SCAP: variants seen among roughly 807,000 people sequenced by gnomAD.
The protein encoded by SCAP is SREBF chaperone.
Under a neutral mutation model 123.6 loss-of-function variants are expected in SCAP, and 65 were observed. The observed-to-expected ratio is 0.53, with a 90% CI of 0.43 to 0.65. SCAP has a LOEUF of 0.65. SCAP is among the 30% of genes least tolerant of loss of function. The probability of loss-of-function intolerance (pLI) is 0.00; values close to 1 mark genes in which losing one functional copy is unlikely to be tolerated. For missense variants in SCAP, 1,398 were observed against 1,712.5 expected (o/e 0.82, Z 3.24); for synonymous variants, 740 against 726.3 (o/e 1.02, Z -0.30).
chr3:47,469,205 G>A (rs975265360), intron 1 of SCAP, among the ~76,000 whole-genome samples: 8 of 152,082 alleles, frequency 5.3e-5, no homozygotes, highest in Non-Finnish European at 7.4e-5. Context: ...AAAATTAGCC[G>A]GGTGTGGTGG....
chr3:47,460,561 T>C (rs912154100), intron 1 of SCAP, among the ~76,000 whole-genome samples: 1 of 152,144 alleles, frequency 6.6e-6, no homozygotes, highest in Non-Finnish European at 1.5e-5. Context: ...TTTGTTGTTG[T>C]TGTCTTTTTG....
At chr3:47,422,357 G>T in intron 10 of SCAP, 85 bp downstream of exon 10, 1 of 1,218,534 alleles carries the variant, frequency 8.2e-7, no homozygotes, top group South Asian at 1.4e-5. Context: ...TGCTGAAGAG[G>T]GGAGCACCCT....
At chr3:47,476,920 G>A (rs149921326), upstream of SCAP, 268 of 153,898 alleles carry the variant, frequency 1.7e-3, 1 homozygote, top group Non-Finnish European at 2.4e-3. Flanking sequence ...CGAGACACCC[G>A]CACCCACCCC....
intron 1 of SCAP, among the ~76,000 whole-genome samples, chr3:47,466,064 T>C (rs1447365485): frequency 7.1e-6 from 1 of 141,298 alleles, no homozygotes; most frequent in Admixed American, 7.6e-5. Flanking sequence ...ACCCAGGAGG[T>C]GGAGTTTGCA....
chr3:47,418,093 G>A, intron 16 of SCAP, 41 bp downstream of exon 16: 1 of 1,462,270 alleles, frequency 6.8e-7, no homozygotes. Context: ...GGGTGAGGGG[G>A]GTTGTGGGGG....
chr3:47,418,324 G>A lies in SCAP; in HGVS notation c.2328C>T (p.Leu776=). The A allele has an allele frequency of 1.3e-6, 2 of 1,561,072 alleles. No individual in the cohort carries two copies. The highest frequency in any genetic ancestry group is 1.7e-6 in the Non-Finnish European group (2 of 1,153,338). Reference sequence around the variant, plus strand: ...CGGCCACTGTGCCCCTGCTCACCATGAGGTGGCCGCGCAGCACAAGCGGCA... The same window carrying A: ...CGGCCACTGTGCCCCTGCTCACCATAAGGTGGCCGCGCAGCACAAGCGGCA... ...EIVPLVLRGH[L]MDIECLASDG... is the part of the protein sequence containing the mutation. Residue 776 remains leucine (L), a synonymous_variant, in exon 15 of 23, where the codon CTC becomes CTT. Coordinates refer to ENST00000265565, the MANE Select transcript of SCAP (RefSeq NM_012235.4).
intron 1 of SCAP, among the ~76,000 whole-genome samples, chr3:47,448,195 T>C (rs1180222142): frequency 1.3e-5 from 2 of 152,200 alleles, no homozygotes; most frequent in East Asian, 1.9e-4. Context: ...TACATGACTG[T>C]ACATGTTTTG....
At chr3:47,457,002 A>G (rs2107978085) in intron 1 of SCAP, among the ~76,000 whole-genome samples, 1 of 152,314 alleles carries the variant, frequency 6.6e-6, no homozygotes. Context: ...CCTGGCCAAC[A>G]TGGTGAAACC....
chr3:47,427,797 A>G, intron 4 of SCAP, 130 bp from the exon 5 acceptor site: 1 of 756,674 alleles, frequency 1.3e-6, no homozygotes, highest in Non-Finnish European at 2.1e-6. Context: ...AAAGAGCCTG[A>G]CCACTAGGGC....
chr3:47,444,366 A>C (rs1706941182), intron 1 of SCAP, among the ~76,000 whole-genome samples: 1 of 152,244 alleles, frequency 6.6e-6, no homozygotes. Context: ...AACAAGAAGC[A>C]AAAGGAGTCA....
At chr3:47,440,965 G>A (rs1186556415) in intron 2 of SCAP, among the ~76,000 whole-genome samples, 6 of 151,400 alleles carry the variant, frequency 4.0e-5, no homozygotes, top group South Asian at 2.1e-4. Flanking sequence ...GCAGTGGCGC[G>A]ATCTCAGCTC....
At chr3:47,422,346 G>T in intron 10 of SCAP, 96 bp downstream of exon 10, 2 of 1,047,594 alleles carry the variant, frequency 1.9e-6, no homozygotes, top group Non-Finnish European at 2.8e-6. Flanking sequence ...AAGGATGCCT[G>T]TGCTGAAGAG....
chr3:47,476,133 C>T (rs1708265765), upstream of SCAP: 1 of 152,322 alleles, frequency 6.6e-6, no homozygotes, highest in African/African-American at 2.4e-5. Context: ...TTAGGGCCCG[C>T]CGGGTTTGGG....
At chr3:47,433,919 G>A (rs1706465052) in intron 3 of SCAP, among the ~76,000 whole-genome samples, 2 of 152,114 alleles carry the variant, frequency 1.3e-5, no homozygotes, top group African/African-American at 4.8e-5. Flanking sequence ...TAAGCAAGAA[G>A]GTCCCACAAT....
At chr3:47,436,303 T>C (rs922001436) in intron 2 of SCAP, among the ~76,000 whole-genome samples, 4 of 152,150 alleles carry the variant, frequency 2.6e-5, no homozygotes, top group Non-Finnish European at 2.9e-5. Flanking sequence ...ATGGACCCGA[T>C]ATACGCAAGG....
At chr3:47,423,826 G>A in intron 9 of SCAP, 107 bp downstream of exon 9, 2 of 799,930 alleles carry the variant, frequency 2.5e-6, no homozygotes, top group Non-Finnish European at 4.2e-6. Context: ...GCAAGAGCAA[G>A]GGACATTTCA....
intron 1 of SCAP, among the ~76,000 whole-genome samples, chr3:47,456,919 G>A (rs939689459): frequency 6.6e-5 from 10 of 152,022 alleles, no homozygotes; most frequent in Admixed American, 6.6e-4. Context: ...AGGCACAATG[G>A]CTCACACCTA....
intron 1 of SCAP, among the ~76,000 whole-genome samples, chr3:47,454,367 C>CA (rs972231001): frequency 1.1e-4 from 16 of 141,580 alleles, no homozygotes; most frequent in East Asian, 2.1e-4. Flanking sequence ...GACTCCGTCA[C>CA]AAAAAAAAAA....
At chr3:47,466,170 C>T (rs927813691) in intron 1 of SCAP, among the ~76,000 whole-genome samples, 5 of 151,226 alleles carry the variant, frequency 3.3e-5, no homozygotes, top group African/African-American at 1.2e-4. Flanking sequence ...AAGAAATTCT[C>T]CCCATTACTT....
Sources: gnomAD v4.1 joint callset for allele counts (sites outside exome capture counted in the v4.1 genomes callset) on GRCh38, gnomAD v4.1.1 for gene constraint, MANE v1.5 for transcripts, NCBI Gene and HGNC (gene_info 2026-07-23, HGNC 2026-07-21) for gene names.